TPO: variants seen among roughly 807,000 people sequenced by gnomAD.
TPO encodes thyroid microsomal antigen.
In TPO, 78 loss-of-function variants were observed where a neutral mutation model predicts 96.9. That is an observed-to-expected ratio of 0.81 (90% CI 0.67 to 0.97). TPO has a LOEUF of 0.97. Ranked by LOEUF, TPO falls within the 50% of genes least tolerant of loss-of-function variation. The pLI, the probability that TPO is intolerant of heterozygous loss-of-function variation, is 0.00. For missense variants in TPO, 1,252 were observed against 1,274.8 expected (o/e 0.98, Z 0.27); for synonymous variants, 547 against 538.0 (o/e 1.02, Z -0.23).
chr2:1,427,603 A>T (rs1282413946), intron 3 of TPO, among the ~76,000 whole-genome samples: 1 of 152,178 alleles, frequency 6.6e-6, no homozygotes, highest in Non-Finnish European at 1.5e-5. Flanking sequence ...TGAGAGTGGG[A>T]GCAACTGTCT....
chr2:1,487,477 G>A (rs1353824058), intron 9 of TPO, among the ~76,000 whole-genome samples: 1 of 152,224 alleles, frequency 6.6e-6, no homozygotes, highest in Non-Finnish European at 1.5e-5. Context: ...GCTCACGCCT[G>A]TAATCCCAGC....
At chr2:1,418,806 A>AG (rs1663212144) in intron 2 of TPO, among the ~76,000 whole-genome samples, 1 of 152,240 alleles carries the variant, frequency 6.6e-6, no homozygotes, top group African/African-American at 2.4e-5. Flanking sequence ...TTGGGAAGCT[A>AG]GCCTAATGAG....
At chr2:1,526,109 TC>T (rs1229611513) in intron 15 of TPO, among the ~76,000 whole-genome samples, 7 of 35,366 alleles carry the variant, frequency 2.0e-4, no homozygotes, top group Admixed American at 4.5e-4. Context: ...CCTCCCCAAA[TC>T]CCCCCGACTC....
At chr2:1,387,846 T>C (rs1661927254) in intron 1 of TPO, among the ~76,000 whole-genome samples, 1 of 152,230 alleles carries the variant, frequency 6.6e-6, no homozygotes, top group African/African-American at 2.4e-5. Flanking sequence ...TGGTTTTATC[T>C]ACCTTTGGTC....
chr2:1,525,217 A>C (rs1244911872), intron 15 of TPO, among the ~76,000 whole-genome samples: 1 of 122,148 alleles, frequency 8.2e-6, no homozygotes, highest in Admixed American at 8.4e-5. Context: ...AACCTGCTCA[A>C]ATCCCCTCAC....
intron 3 of TPO, among the ~76,000 whole-genome samples, chr2:1,432,848 G>A (rs1167207627): frequency 2.6e-5 from 4 of 151,894 alleles, no homozygotes; most frequent in Non-Finnish European, 5.9e-5. Flanking sequence ...CTGCAGGTGA[G>A]GGGAGGCCCC....
intron 15 of TPO, among the ~76,000 whole-genome samples, chr2:1,526,619 A>G (rs1172636558): frequency 2.2e-5 from 3 of 138,336 alleles, no homozygotes; most frequent in Non-Finnish European, 4.7e-5. Context: ...AACTCTGTGC[A>G]ACCTCCCCAA....
At chr2:1,502,942 GGC>G (rs1673021588) in intron 13 of TPO, among the ~76,000 whole-genome samples, 1 of 152,202 alleles carries the variant, frequency 6.6e-6, no homozygotes, top group Non-Finnish European at 1.5e-5. Context: ...GGGAGCAGGT[GGC>G]CAGCCGACCA....
chr2:1,432,251 G>A (rs974344846), intron 3 of TPO, among the ~76,000 whole-genome samples: 1 of 152,240 alleles, frequency 6.6e-6, no homozygotes, highest in African/African-American at 2.4e-5. Flanking sequence ...TGGGTCCTGG[G>A]GACTCAGTAA....
At chr2:1,534,361 TG>T in intron 15 of TPO, among the ~76,000 whole-genome samples, 1 of 2,768 alleles carries the variant, frequency 3.6e-4, no homozygotes, top group Admixed American at 3.6e-3. Context: ...GTCGTCCAAC[TG>T]TGTTCAACCT....
chr2:1,386,092 T>G (rs1271282264), intron 1 of TPO, among the ~76,000 whole-genome samples: 1 of 152,218 alleles, frequency 6.6e-6, no homozygotes, highest in Non-Finnish European at 1.5e-5. Flanking sequence ...TTATTATAAT[T>G]TCTGTTCTTT....
intron 1 of TPO, among the ~76,000 whole-genome samples, chr2:1,396,109 C>A (rs560563331): frequency 1.3e-4 from 20 of 152,328 alleles, no homozygotes; most frequent in African/African-American, 4.8e-4. Context: ...TGGGAAGAGT[C>A]TGCCTGGCAC....
At chr2:1,536,113 A>AAATCCCCCCACTG (rs1679598802) in intron 15 of TPO, among the ~76,000 whole-genome samples, 1 of 17,548 alleles carries the variant, frequency 5.7e-5, no homozygotes, top group African/African-American at 2.3e-4. Context: ...TCCCCCCATT[A>AAATCCCCCCACTG]TGTGCAACCT....
intron 15 of TPO, 120 bp downstream of exon 15, chr2:1,517,102 G>A (rs1383201722): frequency 2.0e-6 from 2 of 987,584 alleles, no homozygotes; most frequent in African/African-American, 3.2e-5. Flanking sequence ...GTATCTCAAA[G>A]GCATTGATCT....
At chr2:1,505,384 CACCAGCCT>C (rs1673315321) in intron 14 of TPO, among the ~76,000 whole-genome samples, 1 of 146,646 alleles carries the variant, frequency 6.8e-6, no homozygotes. Context: ...AGGCACACCC[CACCAGCCT>C]GTGTCAGGCA....
chr2:1,537,245 A>G (rs1199300595), intron 15 of TPO, among the ~76,000 whole-genome samples: 1 of 48,484 alleles, frequency 2.1e-5, no homozygotes, highest in Non-Finnish European at 3.7e-5. Flanking sequence ...ACTGTTTCGA[A>G]CCACCTCAAA....
intron 10 of TPO, among the ~76,000 whole-genome samples, chr2:1,488,295 GTA>G (rs1671367846): frequency 6.6e-6 from 1 of 152,118 alleles, no homozygotes; most frequent in African/African-American, 2.4e-5. Flanking sequence ...TGGCAGGTCT[GTA>G]TCTGGTATCC....
At chr2:1,505,767 G>A (rs908123819) in intron 14 of TPO, among the ~76,000 whole-genome samples, 1 of 151,428 alleles carries the variant, frequency 6.6e-6, no homozygotes, top group Non-Finnish European at 1.5e-5. Context: ...AGTGTGTGCT[G>A]TTCTCCTTTC....
chr2:1,479,765 C>A (rs1300997238), intron 8 of TPO, among the ~76,000 whole-genome samples: 2 of 149,348 alleles, frequency 1.3e-5, no homozygotes, highest in Non-Finnish European at 3.0e-5. Flanking sequence ...TCGTCCTCCT[C>A]CTCCTCTTCT....
Sources: allele counts gnomAD v4.1 joint callset (sites outside exome capture counted in the v4.1 genomes callset), GRCh38; gene constraint gnomAD v4.1.1; transcripts MANE v1.5; gene names NCBI Gene and HGNC (gene_info 2026-07-23, HGNC 2026-07-21).